Variants in TCF12 observed in about 807,000 individuals in gnomAD.
TCF12 encodes transcription factor 12, also known as DNA-binding protein HTF4.
A neutral mutation model predicts 86.0 loss-of-function variants in TCF12; 45 were observed. The observed-to-expected ratio is 0.52, with a 90% CI of 0.41 to 0.67. The LOEUF (loss-of-function observed/expected upper bound fraction) is 0.67. TCF12 is among the 30% of genes least tolerant of loss of function. The pLI is 0.00. For synonymous variants in TCF12, 330 were observed against 299.6 expected (o/e 1.10, Z -1.05); for missense variants, 881 against 859.9 (o/e 1.02, Z -0.31).
At chr15:57,196,836 A>G (rs1357292623) in intron 7 of TCF12, among the ~76,000 whole-genome samples, 3 of 152,208 alleles carry the variant, frequency 2.0e-5, no homozygotes, top group Non-Finnish European at 4.4e-5. Context: ...ACATAATGTT[A>G]AAAGTAAATG....
chr15:57,218,364 T>C (rs917456088), intron 8 of TCF12, among the ~76,000 whole-genome samples: 2 of 152,218 alleles, frequency 1.3e-5, no homozygotes, highest in East Asian at 1.9e-4. Context: ...TTCCAGGTTG[T>C]AATTACAGCA....
At chr15:57,159,594 CAT>C (rs751677979) in intron 5 of TCF12, among the ~76,000 whole-genome samples, 6 of 152,214 alleles carry the variant, frequency 3.9e-5, no homozygotes, top group Non-Finnish European at 7.3e-5. Flanking sequence ...GAAAAGCTCA[CAT>C]GACTTACACA....
At chr15:57,207,845 T>G (rs752123989) in intron 8 of TCF12, among the ~76,000 whole-genome samples, 11 of 152,238 alleles carry the variant, frequency 7.2e-5, no homozygotes, top group South Asian at 6.2e-4. Flanking sequence ...AATCAGTAAC[T>G]TAAATGAGAT....
rs34557385 is a variant in TCF12, at chr15:57,180,806, A to ATT, written c.391-11327_391-11326dup. Among the ~76,000 whole-genome samples the ATT allele has an allele frequency of 8.0e-3, 659 of 82,086 alleles. 82 individuals are homozygous for ATT. Among genetic ancestry groups the ATT allele is most frequent in the Admixed American group, 0.045 (258 of 5,784 alleles). The allele number at this position is 82,086 out of a possible 152,430, so 53.9% of individuals were successfully genotyped here. A position where few individuals can be genotyped will look rare whatever the true frequency, so the allele number is the denominator to read the frequency against. ...TTTTAATCATAAAATGATGCTAATA[A>ATT]TTTTTTTTTTTTTTTTTTTTTTTTT... On this transcript the variant is annotated intron_variant, in intron 6 of 20. Transcript: ENST00000333725.
chr15:57,225,312 T>G (rs550976222), intron 8 of TCF12, among the ~76,000 whole-genome samples: 4 of 139,596 alleles, frequency 2.9e-5, no homozygotes, highest in South Asian at 4.9e-4. Flanking sequence ...TGATCTCAGC[T>G]CACTGCAAGC....
At chr15:57,199,337 C>T (rs575715825) in intron 8 of TCF12, among the ~76,000 whole-genome samples, 2 of 152,234 alleles carry the variant, frequency 1.3e-5, no homozygotes, top group South Asian at 4.1e-4. Flanking sequence ...ACTGACAGTA[C>T]TGCTAAAACA....
At chr15:57,119,205 G>A (rs2051051001) in intron 5 of TCF12, among the ~76,000 whole-genome samples, 1 of 152,074 alleles carries the variant, frequency 6.6e-6, no homozygotes, top group Admixed American at 6.6e-5. Context: ...TGATTCTCCT[G>A]CCTCAGCCTC....
chr15:57,074,399 A>T (rs1315805601), intron 4 of TCF12, among the ~76,000 whole-genome samples: 1 of 150,902 alleles, frequency 6.6e-6, no homozygotes, highest in Admixed American at 6.6e-5. Flanking sequence ...GAATTTTTCA[A>T]ATCTTGGATG....
In TCF12 at chr15:57,062,202, C is replaced by T. The variant is rs558726755; in HGVS notation, c.149-1548C>T. Among the ~76,000 whole-genome samples the T allele has an allele frequency of 1.4e-3, 217 of 152,110 alleles. 1 individual carries two copies. Among genetic ancestry groups the T allele is most frequent in the Non-Finnish European group, 2.3e-3 (158 of 67,990 alleles). On this transcript the variant is annotated intron_variant, in intron 3 of 20. Transcript: ENST00000333725. The stretch of plus-strand genomic sequence containing the variant: ...CGATCTCCTGACCTTGTGATCTGCC[C>T]GCCTCGGCCTCCCAAAGTGCTAGGA...
chr15:56,989,269 A>G (rs1212992784), intron 3 of TCF12, among the ~76,000 whole-genome samples: 1 of 152,192 alleles, frequency 6.6e-6, no homozygotes, highest in Non-Finnish European at 1.5e-5. Flanking sequence ...TTAAATGGTT[A>G]TGAGACCCTA....
At chr15:57,049,465 T>C (rs1486793491) in intron 3 of TCF12, among the ~76,000 whole-genome samples, 1 of 152,238 alleles carries the variant, frequency 6.6e-6, no homozygotes, top group Non-Finnish European at 1.5e-5. Context: ...ATTGATGGAA[T>C]GAAATAGTAT....
intron 18 of TCF12, among the ~76,000 whole-genome samples, chr15:57,268,371 A>G (rs922264792): frequency 2.0e-5 from 3 of 152,198 alleles, no homozygotes; most frequent in African/African-American, 7.2e-5. Flanking sequence ...ATGCATTTAT[A>G]TGATTCTTAA....
At chr15:57,016,535 C>G (rs1324096308) in intron 3 of TCF12, among the ~76,000 whole-genome samples, 1 of 152,116 alleles carries the variant, frequency 6.6e-6, no homozygotes, top group African/African-American at 2.4e-5. Context: ...GCCTTAATTA[C>G]ATAATTCATA....
chr15:57,145,441 G>A (rs935934053), intron 5 of TCF12, among the ~76,000 whole-genome samples: 7 of 152,010 alleles, frequency 4.6e-5, no homozygotes, highest in South Asian at 2.1e-4. Context: ...ATTGGTGAGT[G>A]TGAAATAAGA....
chr15:57,141,498 C>T (rs12440116), intron 5 of TCF12, among the ~76,000 whole-genome samples: 6,117 of 152,110 alleles, frequency 0.04, 372 homozygotes, highest in Admixed American at 0.17. Context: ...TACAGGCATG[C>T]GCCACCACGC....
chr15:57,175,763 A>G (rs532922732), intron 6 of TCF12, among the ~76,000 whole-genome samples: 21 of 152,362 alleles, frequency 1.4e-4, no homozygotes, highest in Non-Finnish European at 4.4e-5. Context: ...TAGTTACTCA[A>G]ATAACATGAA....
rs2062004007 is a variant in TCF12 at position 57,288,496 on chromosome 15, A to G, written c.*2351A>G. 1 of 152,628 alleles carries G rather than the reference A, an allele frequency of 6.6e-6. No individual in the cohort carries two copies. Among genetic ancestry groups the G allele is most frequent in the South Asian group, 2.1e-4 (1 of 4,834 alleles). The allele number at this position is 152,628 out of a possible 1,614,324, so 9.5% of individuals were successfully genotyped here. A position where few individuals can be genotyped will look rare whatever the true frequency, so the allele number is the denominator to read the frequency against. ...ACATTTATGTAGCAATAAATGTGCC[A>G]TCTTTTTTTTAACACAGTAAAATAG... On this transcript the variant is annotated 3_prime_UTR_variant, in exon 21 of 21. Coordinates refer to ENST00000333725, the MANE Select transcript of TCF12 (RefSeq NM_207037.2).
chr15:57,073,562 C>G (rs2069603269), intron 4 of TCF12, among the ~76,000 whole-genome samples: 1 of 152,180 alleles, frequency 6.6e-6, no homozygotes, highest in Non-Finnish European at 1.5e-5. Context: ...TTAGAGGTGA[C>G]AGAATTGAAG....
At chr15:57,138,033 G>GA (rs1303646244) in intron 5 of TCF12, among the ~76,000 whole-genome samples, 118 of 117,962 alleles carry the variant, frequency 1.0e-3, no homozygotes, top group African/African-American at 2.7e-3. Context: ...TGTCTCAAAA[G>GA]AAAAAAAAAA....
Sources: allele counts gnomAD v4.1 joint callset (sites outside exome capture counted in the v4.1 genomes callset), GRCh38; gene constraint gnomAD v4.1.1; transcripts MANE v1.5; gene names NCBI Gene and HGNC (gene_info 2026-07-23, HGNC 2026-07-21).